The following MUC5B variants were observed in gnomAD, a reference collection of about 807,000 sequenced individuals.
MUC5B encodes the protein mucin-5B.
MUC5B carries 116 observed loss-of-function variants against 376.9 expected under a neutral mutation model. The ratio of observed to expected loss-of-function variants is 0.31; its 90% CI spans 0.26 to 0.36. The LOEUF is 0.36. Ranked by LOEUF, MUC5B falls within the 10% of genes least tolerant of loss-of-function variation. The pLI, the probability that MUC5B is intolerant of heterozygous loss-of-function variation, is 1.00. For missense variants in MUC5B, 7,165 were observed against 7,769.9 expected, an observed-to-expected ratio of 0.92 and a Z score of 2.93; for synonymous variants, 3,517 against 3,390.9, an observed-to-expected ratio of 1.04 and a Z score of -1.29.
rs571818059 is a variant in MUC5B at position 1,241,811 on chromosome 11, C to G, written c.4931C>G (p.Pro1644Arg). The change falls in exon 31 of 49, where the codon CCG becomes CGG. Residue 1644 changes from proline to arginine, a missense_variant. Around this residue, in one of 31 missense-constraint regions of MUC5B, gnomAD observed 897 missense variants for 779.6 expected, o/e 1.15. Coordinates refer to ENST00000529681, the MANE Select transcript of MUC5B (RefSeq NM_002458.3). Reference protein sequence around the residue: ...TSSPGLTRAPPASTTAVPTLS... With the variant: ...TSSPGLTRAPRASTTAVPTLS... The stretch of plus-strand genomic sequence containing the variant: ...AGCCCGGGGCTGACCAGGGCTCCCC[C>G]GGCCAGCACCACAGCAGTCCCCACC... The G allele has an allele frequency of 3.7e-6, 6 of 1,612,606 alleles. No individual in the cohort carries two copies. The highest frequency in any genetic ancestry group is 1.7e-5 in the Admixed American group (1 of 59,890).
chr11:1,255,038 C>T lies in MUC5B; in HGVS notation c.15665-3C>T. ...AGCCCCGCGGTGACGCCCCCACTCC[C>T]AGGCACCTGCACCAACAACCAGAGG... On this transcript the variant is annotated splice_region_variant and splice_polypyrimidine_tract_variant and intron_variant, in intron 35 of 48. Coordinates refer to ENST00000529681, the MANE Select transcript of MUC5B (RefSeq NM_002458.3). 1 of 1,584,906 alleles carries T rather than the reference C, an allele frequency of 6.3e-7. No homozygotes were observed. Among genetic ancestry groups the T allele is most frequent in the Non-Finnish European group, 8.6e-7 (1 of 1,166,394 alleles).
In MUC5B at chr11:1,241,964, C is replaced by T; in HGVS notation, c.5084C>T (p.Thr1695Ile). 6.2e-7 allele frequency: 1 copy of T among 1,602,766 alleles called. No homozygotes were observed. The highest frequency in any genetic ancestry group is 8.5e-7 in the Non-Finnish European group (1 of 1,175,106). ...VPGVATSTLP[T>I]RSALPGTTGS... ...GGGGTGGCCACATCCACCCTTCCAACACGCTCAGCCCTTCCAGGGACGACG... is the reference window on the plus strand; with the variant it reads ...GGGGTGGCCACATCCACCCTTCCAATACGCTCAGCCCTTCCAGGGACGACG... The change falls in exon 31 of 49, where the codon ACA becomes ATA. Residue 1695 changes from threonine to isoleucine, a missense_variant. Thr to Ile is a moderately conservative substitution (Grantham distance 89). Around this residue, in one of 31 missense-constraint regions of MUC5B, gnomAD observed 897 missense variants for 779.6 expected, o/e 1.15. Transcript: ENST00000529681.
chr11:1,232,381 G>A (rs987821471), intron 15 of MUC5B, 69 bp from the exon 16 acceptor site: 159 of 1,496,034 alleles, frequency 1.1e-4, no homozygotes, highest in Admixed American at 1.8e-4. Context: ...TGAGGGGGTC[G>A]CAGGCCTGCG....
Position 1,229,727 on chromosome 11 carries a change from G to C in MUC5B, c.1140G>C (p.Leu380=). The change falls in exon 10 of 49, where the codon CTG becomes CTC. Residue 380 remains leucine, a synonymous_variant. Coordinates refer to ENST00000529681, the MANE Select transcript of MUC5B (RefSeq NM_002458.3). ...ATGACATCACGCACTCTGGCTGCCT[G>C]CCCCTCGGGCAGTGCCCCTGCACCC... ...VLDDITHSGC[L]PLGQCPCTHG... is the part of the protein sequence containing the mutation. 6.3e-7 allele frequency: 1 copy of C among 1,594,982 alleles called. No individual in the cohort carries two copies. The highest frequency in any genetic ancestry group is 1.1e-5 in the South Asian group (1 of 88,304).
At position 1,251,527 on chromosome 11, in the gene MUC5B, A is replaced by G; in HGVS notation, c.14647A>G (p.Met4883Val). Residue 4883 changes from methionine (M) to valine (V), a missense_variant, in exon 31 of 49, where the codon ATG becomes GTG. Met to Val is a conservative substitution (Grantham distance 21, BLOSUM62 1). Coordinates refer to ENST00000529681, the MANE Select transcript of MUC5B (RefSeq NM_002458.3). Reference protein sequence around the residue: ...TAHTPKVVTTMATMPTATAST... With the variant: ...TAHTPKVVTTVATMPTATAST... ...TCACACCCCCAAAGTGGTGACCACC[A>G]TGGCCACTATGCCCACAGCCACTGC... 3 of 1,612,996 alleles carry G rather than the reference A, an allele frequency of 1.9e-6. No individual in the cohort carries two copies. Among genetic ancestry groups the G allele is most frequent in the Non-Finnish European group, 2.5e-6 (3 of 1,179,778 alleles).
Position 1,245,366 on chromosome 11 carries a change from C to G in MUC5B, c.8486C>G (p.Thr2829Ser). 1 of 1,578,032 alleles carries G rather than the reference C, an allele frequency of 6.3e-7. No homozygotes were observed. The highest frequency in any genetic ancestry group is 1.4e-5 in the African/African-American group (1 of 71,542). The change falls in exon 31 of 49, where the codon ACC becomes AGC. Residue 2829 changes from threonine to serine, a missense_variant. By Grantham distance (58) the Thr-to-Ser change is moderately conservative (BLOSUM62 1). Transcript: ENST00000529681. ...TCACCCCCTTCTCCAGGGACGACCACCCCGGGCCACACCAGGGCCACCTCC... is the reference window on the plus strand; with the variant it reads ...TCACCCCCTTCTCCAGGGACGACCAGCCCGGGCCACACCAGGGCCACCTCC... ...TESPPSPGTT[T>S]PGHTRATSRT...
In MUC5B at chr11:1,234,593, G is replaced by A. The variant is rs1314717905; in HGVS notation, c.2543G>A (p.Gly848Asp). 1.3e-6 allele frequency: 2 copies of A among 1,574,308 alleles called. No individual in the cohort carries two copies. Among genetic ancestry groups the A allele is most frequent in the East Asian group, 2.4e-5 (1 of 42,522 alleles). The change falls in exon 21 of 49, where the codon GGC becomes GAC. Residue 848 changes from glycine to aspartate, a missense_variant. This residue lies in a region of MUC5B where 530 missense variants were observed against 604.0 expected (regional missense o/e 0.88). Transcript: ENST00000529681. The surrounding 1 kb of genome is among the most constrained non-coding windows in gnomAD (Gnocchi z 6.3). Reference protein sequence around the residue: ...PPGLVSDGSGGCIAEEDCPCV... With the variant: ...PPGLVSDGSGDCIAEEDCPCV... ...GGGCTGGTGTCGGATGGGAGTGGGGGCTGCATTGCCGAGGAGGACTGCCCC... is the reference window on the plus strand; with the variant it reads ...GGGCTGGTGTCGGATGGGAGTGGGGACTGCATTGCCGAGGAGGACTGCCCC...
intron 8 of MUC5B, 54 bp downstream of exon 8, chr11:1,228,819 G>A: frequency 7.1e-7 from 1 of 1,409,552 alleles, no homozygotes. Flanking sequence ...AGGGGCAGGG[G>A]GAGCGCCTTG....
chr11:1,238,808 C>T, intron 25 of MUC5B, 63 bp from the exon 26 acceptor site: 3 of 1,517,646 alleles, frequency 2.0e-6, no homozygotes, highest in South Asian at 2.5e-5. Flanking sequence ...GGCCCTGGGC[C>T]AGCCACCCCC....
rs1461612644 is a variant in MUC5B at position 1,261,830 on chromosome 11, G to A, written c.*222G>A. On this transcript the variant is annotated 3_prime_UTR_variant, in exon 49 of 49. Transcript: ENST00000529681. ...GGCGCCACTCAGGAGTCCTACCCTG[G>A]GAGAGCCTGTGGCCCACCTTGGCCT... 3 of 698,390 alleles carry A rather than the reference G, an allele frequency of 4.3e-6. No individual in the cohort carries two copies. The Admixed American group carries it at 6.0e-5, about 14-fold the overall frequency. 43.3% of individuals were successfully genotyped at this position (698,390 alleles called of 1,614,324 possible).
Position 1,244,183 on chromosome 11 carries a change from A to G in MUC5B, c.7303A>G (p.Ile2435Val). The G allele has an allele frequency of 1.2e-6, 2 of 1,612,622 alleles. No homozygotes were observed. Among genetic ancestry groups the G allele is most frequent in the Non-Finnish European group, 1.7e-6 (2 of 1,179,020 alleles). ...MPSSTPGTTWILTELTTTATT... is the reference protein window; with the variant it reads ...MPSSTPGTTWVLTELTTTATT... The stretch of plus-strand genomic sequence containing the variant: ...CTCCTCCACTCCGGGGACGACCTGG[A>G]TCCTCACAGAGCTGACCACAACAGC... The change falls in exon 31 of 49, where the codon ATC becomes GTC. Residue 2435 changes from isoleucine (I) to valine (V), a missense_variant. Physicochemically the swap from Ile to Val is conservative, Grantham distance 29. Coordinates refer to ENST00000529681, the MANE Select transcript of MUC5B (RefSeq NM_002458.3).
chr11:1,239,468 G>T lies in MUC5B; in HGVS notation c.3485G>T (p.Gly1162Val). 1 of 1,608,212 alleles carries T rather than the reference G, an allele frequency of 6.2e-7. No homozygotes were observed. The highest frequency in any genetic ancestry group is 8.5e-7 in the Non-Finnish European group (1 of 1,176,240). Reference protein sequence around the residue: ...PLFCDFYNPHGGCEWHYQPCG... With the variant: ...PLFCDFYNPHVGCEWHYQPCG... ...TTCTGTGACTTCTACAACCCACATGGGGGCTGTGAGTGGCACTACCAGCCC... is the reference window on the plus strand; with the variant it reads ...TTCTGTGACTTCTACAACCCACATGTGGGCTGTGAGTGGCACTACCAGCCC... The change falls in exon 27 of 49, where the codon GGG becomes GTG. Residue 1162 changes from glycine (G) to valine (V), a missense_variant. Gly to Val is a moderately radical substitution (Grantham distance 109). Around this residue, in one of 31 missense-constraint regions of MUC5B, gnomAD observed 517 missense variants for 545.3 expected, o/e 0.95. Coordinates refer to ENST00000529681, the MANE Select transcript of MUC5B (RefSeq NM_002458.3).
chr11:1,242,324 G>A lies in MUC5B; in HGVS notation c.5444G>A (p.Arg1815Lys). 6.2e-7 allele frequency: 1 copy of A among 1,613,902 alleles called. No homozygotes were observed. The highest frequency in any genetic ancestry group is 8.5e-7 in the Non-Finnish European group (1 of 1,179,862). The change falls in exon 31 of 49, where the codon AGG (arginine) becomes AAG (lysine). Residue 1815 changes from arginine to lysine, a missense_variant. Around this residue, in one of 31 missense-constraint regions of MUC5B, gnomAD observed 897 missense variants for 779.6 expected, o/e 1.15. Coordinates refer to ENST00000529681, the MANE Select transcript of MUC5B (RefSeq NM_002458.3). ...GACATGGAAACTTTTGAAAACATCA[G>A]GGCTGCTGGGGGCAAGATGTGCTGG... ...GGDMETFENI[R>K]AAGGKMCWAP...
Position 1,242,208 on chromosome 11 carries a change from C to T in MUC5B, c.5328C>T (p.Thr1776=). ...CAATGAGCCCCTTGACTAACACCAC[C>T]ACCAGCCAGGGCACGACCCGCTGTC... ...ETTMSPLTNT[T]TSQGTTRCQP... Residue 1776 remains threonine, a synonymous_variant, in exon 31 of 49, where the codon ACC becomes ACT. Transcript: ENST00000529681. 6.2e-7 allele frequency: 1 copy of T among 1,613,714 alleles called. No individual in the cohort carries two copies. Among genetic ancestry groups the T allele is most frequent in the Non-Finnish European group, 8.5e-7 (1 of 1,179,876 alleles).
At chr11:1,255,317 G>A (rs1048732751) in intron 36 of MUC5B, 51 bp downstream of exon 36, 11 of 1,496,340 alleles carry the variant, frequency 7.4e-6, no homozygotes, top group Admixed American at 2.1e-5. Context: ...CCGCCCGCCC[G>A]CATGCACGCA....
chr11:1,243,655 A>T lies in MUC5B; in HGVS notation c.6775A>T (p.Ser2259Cys). Residue 2259 changes from serine to cysteine, a missense_variant, in exon 31 of 49, where the codon AGC (serine) becomes TGC (cysteine). Ser to Cys is a moderately radical substitution (Grantham distance 112). Coordinates refer to ENST00000529681, the MANE Select transcript of MUC5B (RefSeq NM_002458.3). ...AGCCCTTTCCAGCCCTCACCCTAGCAGCAGAACCACCGAGTCACCCCCTTC... is the reference window on the plus strand; with the variant it reads ...AGCCCTTTCCAGCCCTCACCCTAGCTGCAGAACCACCGAGTCACCCCCTTC... The part of the protein sequence containing the change: ...TPALSSPHPS[S>C]RTTESPPSPG... The T allele has an allele frequency of 3.1e-6, 5 of 1,610,648 alleles. No homozygotes were observed.
rs1862633065 is a variant in MUC5B at position 1,250,172 on chromosome 11, C to T, written c.13292C>T (p.Thr4431Ile). The T allele has an allele frequency of 1.9e-6, 3 of 1,589,166 alleles. No individual in the cohort carries two copies. Among genetic ancestry groups the T allele is most frequent in the Non-Finnish European group, 1.7e-6 (2 of 1,160,660 alleles). ...GAGCTGACCACAACAGCCACTACGACTGCGTCCACTGGATCCACGGCCACC... is the reference window on the plus strand; with the variant it reads ...GAGCTGACCACAACAGCCACTACGATTGCGTCCACTGGATCCACGGCCACC... ...LTELTTTATT[T>I]ASTGSTATPS... The change falls in exon 31 of 49, where the codon ACT becomes ATT. Residue 4431 changes from threonine to isoleucine, a missense_variant. This residue lies in a region of MUC5B where 431 missense variants were observed against 390.4 expected (regional missense o/e 1.10). Transcript: ENST00000529681.
Position 1,242,082 on chromosome 11 carries a change from C to A in MUC5B, c.5202C>A (p.Ser1734Arg), listed in dbSNP as rs1862300080. The A allele has an allele frequency of 6.2e-7, 1 of 1,610,174 alleles. No homozygotes were observed. The highest frequency in any genetic ancestry group is 1.7e-5 in the Admixed American group (1 of 59,220). ...TSRARPTGTA[S>R]TASKEPLTTS... The stretch of plus-strand genomic sequence containing the variant: ...GAGCTCGCCCGACAGGCACAGCCAG[C>A]ACCGCTTCCAAAGAGCCGCTGACCA... Residue 1734 changes from serine (S) to arginine (R), a missense_variant, in exon 31 of 49, where the codon AGC becomes AGA. Ser to Arg is a moderately radical substitution (Grantham distance 110). Transcript: ENST00000529681.
chr11:1,226,416 G>T, intron 3 of MUC5B, 140 bp downstream of exon 3: 1 of 1,306,638 alleles, frequency 7.7e-7, no homozygotes, highest in Non-Finnish European at 1.1e-6. Flanking sequence ...CGGTCTCCTG[G>T]TCACTGGCCA....
Sources: gnomAD v4.1 joint callset for allele counts on GRCh38, gnomAD v4.1.1 for gene constraint, gnomAD v4.1.1 regional missense constraint, Gnocchi (gnomAD v3.1) non-coding constraint, MANE v1.5 for transcripts, NCBI Gene and HGNC (gene_info 2026-07-23, HGNC 2026-07-21) for gene names.